Variants in PCDHGA7 observed in about 807,000 individuals in gnomAD.
The protein encoded by PCDHGA7 is protocadherin gamma-A7.
In PCDHGA7, 44 loss-of-function variants were observed where a neutral mutation model predicts 58.3. That is an observed-to-expected ratio of 0.75 (90% CI 0.59 to 0.97). The LOEUF is 0.97. Ranked by LOEUF, PCDHGA7 falls within the 50% of genes least tolerant of loss-of-function variation. The pLI, the probability that PCDHGA7 is intolerant of heterozygous loss-of-function variation, is 0.00. For missense variants in PCDHGA7, 1,266 were observed against 1,188.7 expected, an observed-to-expected ratio of 1.06 and a Z score of -0.96; for synonymous variants, 516 against 504.2, an observed-to-expected ratio of 1.02 and a Z score of -0.31.
chr5:141,489,636 C>T lies in PCDHGA7; in HGVS notation c.2425-5171C>T. On this transcript the variant is annotated intron_variant, in intron 1 of 3. Coordinates refer to ENST00000518325, the MANE Select transcript of PCDHGA7 (RefSeq NM_018920.4). The surrounding 1 kb of genome is among the most constrained non-coding windows in gnomAD (Gnocchi z 4.5). ...TGGATCTCAATGACAACTCTCCTAG[C>T]TTTGCCACCCCTGAGCGAGAGATGC... 1.2e-6 allele frequency: 2 copies of T among 1,614,190 alleles called. No homozygotes were observed. The highest frequency in any genetic ancestry group is 1.7e-6 in the Non-Finnish European group (2 of 1,180,030).
chr5:141,492,691 C>G (rs2099743102), intron 1 of PCDHGA7, among the ~76,000 whole-genome samples: 1 of 152,274 alleles, frequency 6.6e-6, no homozygotes, highest in South Asian at 2.1e-4. Flanking sequence ...TCGGCGACCC[C>G]TCAACCCAGA....
chr5:141,405,758 G>A (rs533667979), intron 1 of PCDHGA7, among the ~76,000 whole-genome samples: 8 of 152,246 alleles, frequency 5.3e-5, no homozygotes, highest in South Asian at 2.1e-4. Context: ...GATTACAGGC[G>A]TGAGCCACTG....
Position 141,486,054 on chromosome 5 carries a change from G to T in PCDHGA7, c.2425-8753G>T. The T allele has an allele frequency of 1.2e-6, 2 of 1,614,124 alleles. No homozygotes were observed. Among genetic ancestry groups the T allele is most frequent in the South Asian group, 1.1e-5 (1 of 91,072 alleles). On this transcript the variant is annotated intron_variant, in intron 1 of 3. Transcript: ENST00000518325. The surrounding 1 kb of genome is among the most constrained non-coding windows in gnomAD (Gnocchi z 5.0). The stretch of plus-strand genomic sequence containing the variant: ...CCTGATCGTGTAAGAAACCTCTTTA[G>T]CCTGCACCCCACTACTGGAAAGCTT...
chr5:141,427,871 G>A (rs762885351), intron 1 of PCDHGA7: 1 of 1,559,530 alleles, frequency 6.4e-7, no homozygotes, highest in South Asian at 1.1e-5. Flanking sequence ...TCGAGCTCAC[G>A]ATGCAGGCCC....
At chr5:141,469,886 T>A (rs766990419) in intron 1 of PCDHGA7, among the ~76,000 whole-genome samples, 4 of 152,208 alleles carry the variant, frequency 2.6e-5, no homozygotes, top group Non-Finnish European at 4.4e-5. Context: ...ATCTCGGCAC[T>A]TTGGGAAGCC....
intron 1 of PCDHGA7, among the ~76,000 whole-genome samples, chr5:141,475,250 A>G (rs941738675): frequency 6.6e-6 from 1 of 152,246 alleles, no homozygotes; most frequent in Non-Finnish European, 1.5e-5. Context: ...AGTGTGCTCT[A>G]CAACTGAGAT....
At chr5:141,498,321 G>A (rs1477684617) in intron 2 of PCDHGA7, among the ~76,000 whole-genome samples, 2 of 151,722 alleles carry the variant, frequency 1.3e-5, no homozygotes, top group Non-Finnish European at 2.9e-5. Flanking sequence ...CTACACAGAA[G>A]GAAGAGCATT....
intron 1 of PCDHGA7, chr5:141,388,884 G>A: frequency 1.9e-6 from 3 of 1,614,002 alleles, no homozygotes; most frequent in Non-Finnish European, 2.5e-6. Flanking sequence ...AGTGGAGGTA[G>A]AAGTCATAGA....
intron 1 of PCDHGA7, chr5:141,433,041 C>G (rs1171788078): frequency 6.2e-7 from 1 of 1,614,036 alleles, no homozygotes; most frequent in Non-Finnish European, 8.5e-7. Flanking sequence ...TCCCTCACCA[C>G]GGACTCGCGG....
intron 1 of PCDHGA7, chr5:141,426,679 T>A (rs1008777231): frequency 9.3e-6 from 4 of 431,308 alleles, no homozygotes; most frequent in African/African-American, 2.0e-5. Context: ...CCACCTCATT[T>A]TCCCCAAAAT....
At chr5:141,386,234 T>A (rs570347588) in intron 1 of PCDHGA7, among the ~76,000 whole-genome samples, 2 of 152,292 alleles carry the variant, frequency 1.3e-5, no homozygotes, top group Admixed American at 6.5e-5. Context: ...TACTGAAAAA[T>A]TCAGTTGGAA....
intron 1 of PCDHGA7, chr5:141,419,345 C>T (rs111954647): frequency 6.2e-6 from 10 of 1,613,858 alleles, no homozygotes; most frequent in African/African-American, 2.7e-5. Flanking sequence ...TGCCAGCGAC[C>T]TGGAGTCACG....
intron 1 of PCDHGA7, chr5:141,428,021 C>T: frequency 1.2e-6 from 2 of 1,605,604 alleles, no homozygotes; most frequent in Non-Finnish European, 1.7e-6. Context: ...TGCCACGCGC[C>T]GCAGAGTCCG....
intron 1 of PCDHGA7, among the ~76,000 whole-genome samples, chr5:141,397,737 C>T (rs2093564219): frequency 6.6e-6 from 1 of 152,164 alleles, no homozygotes. Flanking sequence ...GAGAAAGATA[C>T]CTTAAAGAAG....
chr5:141,494,316 G>T (rs2099753509), intron 1 of PCDHGA7, among the ~76,000 whole-genome samples: 1 of 152,172 alleles, frequency 6.6e-6, no homozygotes, highest in Admixed American at 6.5e-5. Flanking sequence ...TGCACAACCT[G>T]GCACCAAAAG....
At chr5:141,457,448 A>G (rs1296079061) in intron 1 of PCDHGA7, among the ~76,000 whole-genome samples, 2 of 152,196 alleles carry the variant, frequency 1.3e-5, no homozygotes, top group Non-Finnish European at 2.9e-5. Flanking sequence ...GCAGAAGATC[A>G]CCACTTGATT....
At chr5:141,385,471 C>T in intron 1 of PCDHGA7, 148 bp downstream of exon 1, 4 of 1,437,776 alleles carry the variant, frequency 2.8e-6, no homozygotes, top group South Asian at 3.1e-5. Context: ...AGTGGTGACA[C>T]TTTAATATAG....
chr5:141,384,808 G>A lies in PCDHGA7; in HGVS notation c.1909G>A (p.Ala637Thr). The A allele has an allele frequency of 1.9e-6, 3 of 1,613,484 alleles. No individual in the cohort carries two copies. The highest frequency in any genetic ancestry group is 2.5e-6 in the Non-Finnish European group (3 of 1,179,916). The change falls in exon 1 of 4, where the codon GCC becomes ACC. Residue 637 changes from alanine to threonine, a missense_variant. By Grantham distance (58) the Ala-to-Thr change is moderately conservative (BLOSUM62 0). Coordinates refer to ENST00000518325, the MANE Select transcript of PCDHGA7 (RefSeq NM_018920.4). ...GGCTCGGGCCCTGCTGGACAGAGAT[G>A]CCCTCAAGCAGAGCCTCGTGGTGGC... is the stretch of plus-strand genomic sequence containing the variant. ...RTARALLDRDALKQSLVVAVQ... is the reference protein window; with the variant it reads ...RTARALLDRDTLKQSLVVAVQ...
chr5:141,393,071 C>T (rs927273885), intron 1 of PCDHGA7: 3 of 1,613,680 alleles, frequency 1.9e-6, no homozygotes, highest in Non-Finnish European at 2.5e-6. Context: ...GCTTGATCAC[C>T]GCGGGCAGGA....
Sources: gnomAD v4.1 joint callset for allele counts (sites outside exome capture counted in the v4.1 genomes callset) on GRCh38, gnomAD v4.1.1 for gene constraint, Gnocchi (gnomAD v3.1) non-coding constraint, MANE v1.5 for transcripts, NCBI Gene and HGNC (gene_info 2026-07-23, HGNC 2026-07-21) for gene names.